The following MAGED1 variants were observed in gnomAD, a reference collection of about 807,000 sequenced individuals.
MAGED1 encodes melanoma-associated antigen D1.
In MAGED1, 3 loss-of-function variants were observed where a neutral mutation model predicts 54.1. The observed-to-expected ratio is 0.06, with a 90% confidence interval of 0.03 to 0.14. The LOEUF (loss-of-function observed/expected upper bound fraction) is 0.14, where lower values mean the gene tolerates loss of function less well. Among genes scored for constraint, MAGED1 ranks in the 10% least tolerant of loss-of-function variants. The pLI is 1.00. For missense variants in MAGED1, 485 were observed against 623.4 expected, an observed-to-expected ratio of 0.78 and a Z score of 2.36; for synonymous variants, 217 against 227.3, an observed-to-expected ratio of 0.95 and a Z score of 0.41.
intron 10 of MAGED1, 180 bp downstream of exon 10, chrX:51,898,823 C>A (rs184243484): frequency 2.5e-6 from 1 of 393,837 alleles, no homozygotes. Context: ...GGCAACATAA[C>A]GAAACCCCAT....
intron 2 of MAGED1, 161 bp downstream of exon 2, chrX:51,894,510 G>A (rs1928611075): frequency 1.2e-6 from 1 of 808,900 alleles, no homozygotes; most frequent in South Asian, 2.2e-5. Flanking sequence ...GGGGGGGAGG[G>A]GCGTCTCTTT....
chrX:51,812,361 T>C (rs1557355595), intron 1 of MAGED1, among the ~76,000 whole-genome samples: 1 of 110,808 alleles, frequency 9.0e-6, no homozygotes, highest in Non-Finnish European at 1.9e-5. Flanking sequence ...CTCTGTGGTC[T>C]AGTAAAGCTA....
At chrX:51,809,219 A>T (rs1055524921) in intron 1 of MAGED1, among the ~76,000 whole-genome samples, 4 of 110,909 alleles carry the variant, frequency 3.6e-5, no homozygotes. Flanking sequence ...GGTTCACGCC[A>T]TTCTTCTGCC....
At chrX:51,837,711 C>T (rs1243970828) in intron 1 of MAGED1, among the ~76,000 whole-genome samples, 1 of 112,072 alleles carries the variant, frequency 8.9e-6, no homozygotes, top group Non-Finnish European at 1.9e-5. Flanking sequence ...GAGGTAGGTA[C>T]TGTTATTATC....
At chrX:51,873,299 C>T (rs1927751376) in intron 1 of MAGED1, among the ~76,000 whole-genome samples, 1 of 110,715 alleles carries the variant, frequency 9.0e-6, no homozygotes, top group African/African-American at 3.3e-5. Context: ...CACCTCCCAC[C>T]GGGTCCCTCC....
chrX:51,854,530 C>T (rs1333843529), intron 1 of MAGED1, among the ~76,000 whole-genome samples: 1 of 111,332 alleles, frequency 9.0e-6, no homozygotes, highest in Non-Finnish European at 1.9e-5. Flanking sequence ...AGCTTTGGAG[C>T]CAGACCCACT....
At chrX:51,899,888 A>G in intron 10 of MAGED1, 1 of 265,913 alleles carries the variant, frequency 3.8e-6, no homozygotes, top group South Asian at 4.5e-5. Context: ...TCTGTGGCTC[A>G]CTGACAAGAT....
At chrX:51,836,313 C>T (rs782593105) in intron 1 of MAGED1, among the ~76,000 whole-genome samples, 1 of 109,572 alleles carries the variant, frequency 9.1e-6, no homozygotes, top group Non-Finnish European at 1.9e-5. Flanking sequence ...TTTTATATAA[C>T]TAAAAATTTC....
chrX:51,874,248 A>G (rs1053188743), intron 1 of MAGED1, among the ~76,000 whole-genome samples: 2 of 111,303 alleles, frequency 1.8e-5, no homozygotes, highest in Non-Finnish European at 3.8e-5. Flanking sequence ...GCAGACTCAA[A>G]TATTTGTGAA....
intron 1 of MAGED1, among the ~76,000 whole-genome samples, chrX:51,836,747 G>A (rs782359211): frequency 9.1e-6 from 1 of 109,478 alleles, no homozygotes; most frequent in Admixed American, 9.8e-5. Context: ...AGTTTTTTTT[G>A]TATTTTTAGT....
At chrX:51,846,145 A>G (rs1926681004) in intron 1 of MAGED1, among the ~76,000 whole-genome samples, 1 of 111,996 alleles carries the variant, frequency 8.9e-6, no homozygotes, top group Admixed American at 9.5e-5. Flanking sequence ...AGATGTCCAC[A>G]TTCTAATCCC....
At chrX:51,884,452 A>C (rs908807480) in intron 1 of MAGED1, among the ~76,000 whole-genome samples, 7 of 112,326 alleles carry the variant, frequency 6.2e-5, no homozygotes, top group African/African-American at 2.3e-4. Context: ...AGAGTAAATC[A>C]AGACATTTCC....
intron 1 of MAGED1, among the ~76,000 whole-genome samples, chrX:51,885,507 T>G (rs2147005729): frequency 9.0e-6 from 1 of 111,696 alleles, no homozygotes; most frequent in African/African-American, 3.3e-5. Context: ...GTCAGTTGAA[T>G]AGTTTGCAAA....
intron 2 of MAGED1, 115 bp from the exon 3 acceptor site, chrX:51,894,938 C>T: frequency 2.2e-6 from 2 of 898,925 alleles, no homozygotes; most frequent in Non-Finnish European, 3.0e-6. Flanking sequence ...CCTGTTTTTG[C>T]ACCCACCGCC....
intron 1 of MAGED1, among the ~76,000 whole-genome samples, chrX:51,821,641 T>C (rs1412897679): frequency 9.0e-6 from 1 of 111,687 alleles, no homozygotes; most frequent in African/African-American, 3.3e-5. Context: ...CTGCCCGCCT[T>C]GGCCTCCCAA....
intron 1 of MAGED1, among the ~76,000 whole-genome samples, chrX:51,843,225 A>G (rs1926571457): frequency 9.0e-6 from 1 of 111,401 alleles, no homozygotes; most frequent in South Asian, 3.8e-4. Flanking sequence ...AAGCTCAATA[A>G]TGTCCCCTAA....
At chrX:51,836,247 G>T in intron 1 of MAGED1, among the ~76,000 whole-genome samples, 1 of 108,509 alleles carries the variant, frequency 9.2e-6, no homozygotes, top group East Asian at 2.9e-4. Context: ...TGCATTGCTG[G>T]TGATGTTTGT....
chrX:51,840,114 T>C (rs1393277279), intron 1 of MAGED1, among the ~76,000 whole-genome samples: 1 of 112,184 alleles, frequency 8.9e-6, no homozygotes, highest in Non-Finnish European at 1.9e-5. Flanking sequence ...AGAATTTAGT[T>C]GTCAGCTATT....
chrX:51,882,948 C>T (rs1928112043), intron 1 of MAGED1, among the ~76,000 whole-genome samples: 1 of 111,897 alleles, frequency 8.9e-6, no homozygotes, highest in Non-Finnish European at 1.9e-5. Context: ...GCCTCAGCCT[C>T]CCAAAGTGCT....
Sources: gnomAD v4.1 joint callset for allele counts (sites outside exome capture counted in the v4.1 genomes callset) on GRCh38, gnomAD v4.1.1 for gene constraint, MANE v1.5 for transcripts, NCBI Gene and HGNC (gene_info 2026-07-23, HGNC 2026-07-21) for gene names.